SMOC2: variants seen among roughly 807,000 people sequenced by gnomAD.
SMOC2 encodes SPARC-related modular calcium-binding protein 2.
In SMOC2, 39 loss-of-function variants were observed where a neutral mutation model predicts 61.4. The ratio of observed to expected loss-of-function variants is 0.64; its 90% CI spans 0.49 to 0.83. The LOEUF is 0.83. SMOC2 is among the 40% of genes least tolerant of loss of function. SMOC2 has a pLI of 0.00. For missense variants in SMOC2, 556 were observed against 592.9 expected (o/e 0.94, Z 0.65); for synonymous variants, 247 against 239.9 (o/e 1.03, Z -0.27).
intron 7 of SMOC2, among the ~76,000 whole-genome samples, chr6:168,591,737 T>G (rs1322199360): frequency 2.0e-5 from 3 of 151,586 alleles, no homozygotes; most frequent in African/African-American, 4.8e-5. Context: ...TATTTGCGTC[T>G]TTTTCAGATT....
At chr6:168,519,081 GTGCATGTGTGAACA>G (rs1475808523) in intron 2 of SMOC2, among the ~76,000 whole-genome samples, 1 of 150,504 alleles carries the variant, frequency 6.6e-6, no homozygotes, top group Non-Finnish European at 1.5e-5. Flanking sequence ...GTATGTATGC[GTGCATGTGTGAACA>G]TGCGTGTGTG....
rs138038778 is a variant in SMOC2, at chr6:168,625,492, G to A, written c.907+17253G>A. Among the ~76,000 whole-genome samples the A allele has an allele frequency of 3.1e-3, 474 of 152,338 alleles. 2 individuals are homozygous for A. The highest frequency in any genetic ancestry group is 8.1e-3 in the African/African-American group (337 of 41,586). Reference sequence around the variant, plus strand: ...GCCCCGCATGGCGTTCTTGGGATTCGAGTTTCTTTTTATCGTAACATTTGC... The same window carrying A: ...GCCCCGCATGGCGTTCTTGGGATTCAAGTTTCTTTTTATCGTAACATTTGC... On this transcript the variant is annotated intron_variant, in intron 9 of 12. Coordinates refer to ENST00000356284, the MANE Select transcript of SMOC2 (RefSeq NM_001166412.2).
chr6:168,559,642 A>G (rs1469510621), intron 7 of SMOC2, among the ~76,000 whole-genome samples: 2 of 152,130 alleles, frequency 1.3e-5, no homozygotes, highest in Non-Finnish European at 2.9e-5. Context: ...CACTAAGATA[A>G]GAATTCATGC....
chr6:168,454,336 A>G (rs1342898885), intron 1 of SMOC2, among the ~76,000 whole-genome samples: 1 of 150,602 alleles, frequency 6.6e-6, no homozygotes, highest in Non-Finnish European at 1.5e-5. Context: ...CCTAGAACTA[A>G]CCTCAGCCGA....
chr6:168,514,799 A>G (rs1783092352), intron 2 of SMOC2, among the ~76,000 whole-genome samples: 1 of 152,182 alleles, frequency 6.6e-6, no homozygotes, highest in African/African-American at 2.4e-5. Context: ...GTGCCATTGA[A>G]AGGCCGCGAA....
intron 2 of SMOC2, among the ~76,000 whole-genome samples, chr6:168,518,026 A>G (rs114223900): frequency 6.6e-6 from 1 of 152,218 alleles, no homozygotes; most frequent in South Asian, 2.1e-4. Flanking sequence ...TTCCCATCGC[A>G]TGAGTGTTTC....
chr6:168,447,097 T>C (rs906351712), intron 1 of SMOC2, among the ~76,000 whole-genome samples: 5 of 152,198 alleles, frequency 3.3e-5, no homozygotes, highest in Admixed American at 2.0e-4. Flanking sequence ...GACAGGGTCT[T>C]GCTCTGTCCC....
intron 7 of SMOC2, among the ~76,000 whole-genome samples, chr6:168,574,259 A>G (rs1028804389): frequency 2.0e-5 from 3 of 152,318 alleles, no homozygotes; most frequent in East Asian, 1.9e-4. Flanking sequence ...GCTCATGGGC[A>G]GGGCGGGTAG....
intron 2 of SMOC2, among the ~76,000 whole-genome samples, chr6:168,518,813 A>T (rs1454240607): frequency 1.4e-5 from 2 of 142,272 alleles, no homozygotes; most frequent in Non-Finnish European, 3.0e-5. Flanking sequence ...GTGTGAATGC[A>T]TGTTTATGTG....
rs370827647 is a variant in SMOC2 at position 168,543,654 on chromosome 6, G to A, written c.493G>A (p.Glu165Lys). Residue 165 changes from glutamate (E) to lysine (K), a missense_variant, in exon 5 of 13, where the codon GAA (glutamate) becomes AAA (lysine). Physicochemically the swap from Glu to Lys is moderately conservative, Grantham distance 56. Coordinates refer to ENST00000356284, the MANE Select transcript of SMOC2 (RefSeq NM_001166412.2). The stretch of plus-strand genomic sequence containing the variant: ...CGTAAATGAAAAGTTACCCCAACGC[G>A]AAGGCACAGGAAAAACAGGTAACTA... ...GSVNEKLPQR[E>K]GTGKTDDAAA... 5.0e-6 allele frequency: 8 copies of A among 1,613,486 alleles called. No individual in the cohort carries two copies. The highest frequency in any genetic ancestry group is 2.2e-5 in the East Asian group (1 of 44,886).
chr6:168,456,252 G>A (rs1308856644), intron 1 of SMOC2, among the ~76,000 whole-genome samples: 2 of 152,132 alleles, frequency 1.3e-5, no homozygotes, highest in Non-Finnish European at 1.5e-5. Flanking sequence ...GGCTGTCGCC[G>A]TTTATGACTG....
chr6:168,522,538 C>T (rs4708747), intron 2 of SMOC2, among the ~76,000 whole-genome samples: 2,118 of 152,302 alleles, frequency 0.014, 35 homozygotes, highest in Admixed American at 0.051. Context: ...CTGAAACATG[C>T]TGTAACATAC....
At chr6:168,613,958 C>A (rs1234009042) in intron 9 of SMOC2, among the ~76,000 whole-genome samples, 3 of 68,608 alleles carry the variant, frequency 4.4e-5, no homozygotes, top group Non-Finnish European at 3.0e-5. Flanking sequence ...TTCACACCTA[C>A]AGCCAGCACA....
At chr6:168,605,759 A>C (rs552657863) in intron 8 of SMOC2, among the ~76,000 whole-genome samples, 1 of 152,266 alleles carries the variant, frequency 6.6e-6, no homozygotes, top group South Asian at 2.1e-4. Flanking sequence ...CTGATCCTGA[A>C]GGGCTTCAGG....
intron 9 of SMOC2, among the ~76,000 whole-genome samples, chr6:168,636,687 C>T (rs1786730612): frequency 6.6e-6 from 1 of 152,208 alleles, no homozygotes; most frequent in Non-Finnish European, 1.5e-5. Context: ...ATCTCTCTGT[C>T]ACTGTGATCC....
At chr6:168,565,361 CTGGCCTCCATGTGGTCTTCTCTCCG>C (rs1431694200) in intron 7 of SMOC2, among the ~76,000 whole-genome samples, 2 of 152,172 alleles carry the variant, frequency 1.3e-5, no homozygotes, top group Non-Finnish European at 2.9e-5. Context: ...CTCTCTCTGA[CTGGCCTCCATGTGGTCTTCTCTCCG>C]TGGTCTTCCC....
intron 9 of SMOC2, among the ~76,000 whole-genome samples, chr6:168,612,106 T>TA (rs1785887697): frequency 6.6e-6 from 1 of 152,194 alleles, no homozygotes; most frequent in South Asian, 2.1e-4. Flanking sequence ...AGCCATGTGG[T>TA]TTTGCTTATC....
At chr6:168,585,819 G>C (rs1354475065) in intron 7 of SMOC2, among the ~76,000 whole-genome samples, 1 of 152,212 alleles carries the variant, frequency 6.6e-6, no homozygotes, top group Non-Finnish European at 1.5e-5. Context: ...TGTCATGTCT[G>C]TTTTCACCTT....
intron 4 of SMOC2, among the ~76,000 whole-genome samples, 174 bp downstream of exon 4, chr6:168,527,901 C>G (rs929906064): frequency 6.6e-6 from 1 of 152,200 alleles, no homozygotes. Context: ...TTTAGGGAGC[C>G]CTTGTTTTTA....
Sources: allele counts gnomAD v4.1 joint callset (sites outside exome capture counted in the v4.1 genomes callset), GRCh38; gene constraint gnomAD v4.1.1; transcripts MANE v1.5; gene names NCBI Gene and HGNC (gene_info 2026-07-23, HGNC 2026-07-21).